The following FAM83B variants were observed in gnomAD, a reference collection of about 807,000 sequenced individuals.
FAM83B encodes the protein scaffolding CK1 anchoring protein B, also known as protein FAM83B.
FAM83B carries 26 observed loss-of-function variants against 38.8 expected under a neutral mutation model. The ratio of observed to expected loss-of-function variants is 0.67; its 90% CI spans 0.49 to 0.93. The LOEUF is 0.93. Among genes scored for constraint, FAM83B ranks in the 40% least tolerant of loss-of-function variants. The probability of loss-of-function intolerance (pLI) is 0.00; values close to 1 mark genes in which losing one functional copy is unlikely to be tolerated. For missense variants in FAM83B, 1,237 were observed against 1,197.3 expected (o/e 1.03, Z -0.49); for synonymous variants, 419 against 423.1 (o/e 0.99, Z 0.12).
Position 54,940,557 on chromosome 6 carries a change from T to C in FAM83B, c.1586T>C (p.Leu529Ser), listed in dbSNP as rs1220589714. ...RFEGYDNPEN[L>S]KANALYTHSR... ...GAGGGCTATGATAATCCTGAGAATT[T>C]GAAGGCCAATGCCCTTTATACTCAT... The change falls in exon 5 of 5, where the codon TTG (leucine) becomes TCG (serine). Residue 529 changes from leucine to serine, a missense_variant. Coordinates refer to ENST00000306858, the MANE Select transcript of FAM83B (RefSeq NM_001010872.3). 6.2e-7 allele frequency: 1 copy of C among 1,613,960 alleles called. No homozygotes were observed. Among genetic ancestry groups the C allele is most frequent in the East Asian group, 2.2e-5 (1 of 44,874 alleles).
intron 4 of FAM83B, among the ~76,000 whole-genome samples, chr6:54,931,320 T>G (rs1419799612): frequency 6.6e-6 from 1 of 152,196 alleles, no homozygotes; most frequent in East Asian, 1.9e-4. Flanking sequence ...GTACTCTTGT[T>G]CAAGTTGTCT....
chr6:54,922,282 T>A (rs1773189433), intron 2 of FAM83B, among the ~76,000 whole-genome samples: 1 of 152,042 alleles, frequency 6.6e-6, no homozygotes, highest in African/African-American at 2.4e-5. Flanking sequence ...TTTTTAAATA[T>A]GCTAATTAAA....
intron 2 of FAM83B, among the ~76,000 whole-genome samples, chr6:54,909,911 T>G (rs1292611678): frequency 6.6e-6 from 1 of 152,118 alleles, no homozygotes; most frequent in Non-Finnish European, 1.5e-5. Context: ...AGGAACGACA[T>G]GAGCATGATA....
chr6:54,881,982 C>T (rs976814480), intron 2 of FAM83B, among the ~76,000 whole-genome samples: 2 of 152,176 alleles, frequency 1.3e-5, no homozygotes, highest in African/African-American at 2.4e-5. Context: ...TCTCATTGTT[C>T]AATTCCCACC....
chr6:54,920,960 C>T lies in FAM83B; in HGVS notation c.445-5411C>T, dbSNP rs143024064. ...AGATCTTTCATAATCTGTATAAATCCTGTCTAACTAAATTTATTCCTTGCT... is the reference window on the plus strand; with the variant it reads ...AGATCTTTCATAATCTGTATAAATCTTGTCTAACTAAATTTATTCCTTGCT... On this transcript the variant is annotated intron_variant, in intron 2 of 4. Transcript: ENST00000306858. 3.4e-3 allele frequency among the ~76,000 whole-genome samples: 509 copies of T among 151,600 alleles called. 8 individuals carry two copies. The highest frequency in any genetic ancestry group is 0.011 in the African/African-American group (471 of 41,204).
At chr6:54,853,700 G>A (rs567575998) in intron 1 of FAM83B, among the ~76,000 whole-genome samples, 1 of 152,294 alleles carries the variant, frequency 6.6e-6, no homozygotes, top group East Asian at 1.9e-4. Flanking sequence ...GGTCACCTAA[G>A]AGATCTGATG....
At position 54,941,126 on chromosome 6, in the gene FAM83B, G is replaced by C; in HGVS notation, c.2155G>C (p.Glu719Gln). 1 of 1,613,872 alleles carries C rather than the reference G, an allele frequency of 6.2e-7. No individual in the cohort carries two copies. The highest frequency in any genetic ancestry group is 8.5e-7 in the Non-Finnish European group (1 of 1,179,952). Residue 719 changes from glutamate to glutamine, a missense_variant, in exon 5 of 5, where the codon GAG becomes CAG. Transcript: ENST00000306858. ...SMHNVTHNLE[E>Q]DEEEVTKRNS... ...GCACAATGTGACTCATAACTTGGAG[G>C]AGGATGAGGAGGAAGTTACCAAGAG...
intron 2 of FAM83B, among the ~76,000 whole-genome samples, chr6:54,914,861 A>T (rs1310086916): frequency 6.6e-6 from 1 of 152,150 alleles, no homozygotes; most frequent in Admixed American, 6.5e-5. Context: ...ATCAAGTGAC[A>T]GTCCCCTACT....
chr6:54,853,740 CACA>C (rs1429284957), intron 1 of FAM83B, among the ~76,000 whole-genome samples: 1 of 152,194 alleles, frequency 6.6e-6, no homozygotes, highest in African/African-American at 2.4e-5. Context: ...TGCCTTCTGA[CACA>C]ACATTTGTTC....
At chr6:54,897,716 A>G (rs1772571669) in intron 2 of FAM83B, among the ~76,000 whole-genome samples, 1 of 152,216 alleles carries the variant, frequency 6.6e-6, no homozygotes, top group African/African-American at 2.4e-5. Context: ...ACATGAAGAT[A>G]TCTAGAAGAA....
intron 1 of FAM83B, among the ~76,000 whole-genome samples, chr6:54,850,598 T>C (rs940512977): frequency 6.6e-6 from 1 of 152,204 alleles, no homozygotes; most frequent in African/African-American, 2.4e-5. Context: ...GGTAATAGAA[T>C]AACTCAACAT....
intron 4 of FAM83B, among the ~76,000 whole-genome samples, chr6:54,936,414 A>G (rs574953860): frequency 6.6e-6 from 1 of 151,976 alleles, no homozygotes; most frequent in African/African-American, 2.4e-5. Context: ...CATTATTCCT[A>G]TTTCTACTTT....
At chr6:54,861,825 C>T (rs559682835) in intron 1 of FAM83B, among the ~76,000 whole-genome samples, 4 of 152,222 alleles carry the variant, frequency 2.6e-5, no homozygotes, top group Admixed American at 6.5e-5. Context: ...GAGTAACTCA[C>T]CGGACCAACT....
intron 1 of FAM83B, among the ~76,000 whole-genome samples, chr6:54,859,607 A>AAGGGATAGCATGTGTTG (rs1561904673): frequency 6.6e-6 from 1 of 152,090 alleles, no homozygotes; most frequent in Non-Finnish European, 1.5e-5. Flanking sequence ...AGCATGTGTT[A>AAGGGATAGCATGTGTTG]GGGATTACTG....
chr6:54,851,001 G>A (rs1771260490), intron 1 of FAM83B, among the ~76,000 whole-genome samples: 1 of 115,398 alleles, frequency 8.7e-6, no homozygotes, highest in Admixed American at 1.1e-4. Flanking sequence ...CTGGGTGACA[G>A]AGTGAGACTC....
chr6:54,875,138 G>A (rs1426461758), intron 2 of FAM83B, among the ~76,000 whole-genome samples: 2 of 152,080 alleles, frequency 1.3e-5, no homozygotes, highest in Non-Finnish European at 2.9e-5. Context: ...AAGATATGAA[G>A]CAAAAATGTT....
intron 2 of FAM83B, among the ~76,000 whole-genome samples, chr6:54,871,855 A>G (rs796775421): frequency 2.6e-5 from 4 of 152,018 alleles, no homozygotes; most frequent in African/African-American, 7.2e-5. Context: ...TAGATCTAAA[A>G]GGAACCTTAG....
intron 2 of FAM83B, among the ~76,000 whole-genome samples, chr6:54,915,075 C>T (rs1398549082): frequency 1.3e-5 from 2 of 151,450 alleles, no homozygotes; most frequent in Non-Finnish European, 2.9e-5. Context: ...TTTTGATGTT[C>T]ACCCACCTGT....
At chr6:54,851,467 T>G (rs1056652391) in intron 1 of FAM83B, among the ~76,000 whole-genome samples, 13 of 152,102 alleles carry the variant, frequency 8.5e-5, no homozygotes, top group Non-Finnish European at 1.8e-4. Flanking sequence ...TGTTTTGTTT[T>G]GTTTTGGTTT....
Sources: gnomAD v4.1 joint callset for allele counts (sites outside exome capture counted in the v4.1 genomes callset) on GRCh38, gnomAD v4.1.1 for gene constraint, MANE v1.5 for transcripts, NCBI Gene and HGNC (gene_info 2026-07-23, HGNC 2026-07-21) for gene names.